Variants in FAM161A observed in about 807,000 individuals in gnomAD.
FAM161A encodes the protein FAM161 centrosomal protein A.
Under a neutral mutation model 70.9 loss-of-function variants are expected in FAM161A, and 57 were observed. The observed-to-expected ratio is 0.80, with a 90% CI of 0.65 to 1.00. FAM161A has a LOEUF of 1.00. Ranked by LOEUF, FAM161A falls within the 50% of genes least tolerant of loss-of-function variation. The pLI is 0.00. For synonymous variants in FAM161A, 299 were observed against 295.7 expected (o/e 1.01, Z -0.12); for missense variants, 880 against 836.0 (o/e 1.05, Z -0.65).
At chr2:61,801,624 T>A in the FAM161A span, among the ~76,000 whole-genome samples, 1 of 150,350 alleles carries the variant, frequency 6.7e-6, no homozygotes, top group African/African-American at 2.4e-5. Flanking sequence ...TGGAGTGCAA[T>A]CGCACGATCT....
chr2:61,836,468 T>A (rs1228309907), intron 4 of FAM161A: 1 of 167,674 alleles, frequency 6.0e-6, no homozygotes, highest in South Asian at 1.7e-4. Flanking sequence ...TTTATAAGTG[T>A]ATAAAACCAA....
At chr2:61,835,392 G>C (rs1193407604) in intron 5 of FAM161A, 1 of 152,178 alleles carries the variant, frequency 6.6e-6, no homozygotes, top group Admixed American at 6.5e-5. Flanking sequence ...TCCACTGTCC[G>C]TAAGACTAGT....
rs765178656 is a variant in FAM161A, at chr2:61,839,406, G to C, written c.1583+15C>G. 8.7e-6 allele frequency: 14 copies of C among 1,613,792 alleles called. No homozygotes were observed. The highest frequency in any genetic ancestry group is 1.7e-5 in the Admixed American group (1 of 59,996). ...GCAACCATGAGTCAGTCAGTACTGC[G>C]TCCTACTTACTTACCTTACGGCTTG... On this transcript the variant is annotated intron_variant, in intron 3 of 6. Transcript: ENST00000404929.
chr2:61,841,905 A>T (rs1047933523), intron 2 of FAM161A, among the ~76,000 whole-genome samples: 19 of 152,216 alleles, frequency 1.2e-4, no homozygotes, highest in African/African-American at 4.6e-4. Flanking sequence ...GGTGGGTCAG[A>T]AAGAAAAGAC....
At chr2:61,801,642 C>T in the FAM161A span, among the ~76,000 whole-genome samples, 11 of 151,226 alleles carry the variant, frequency 7.3e-5, no homozygotes, top group African/African-American at 2.7e-4. Context: ...TCTCGGCTCA[C>T]TGCAACCTCT....
At chr2:61,801,474 G>A in the FAM161A span, among the ~76,000 whole-genome samples, 4 of 149,504 alleles carry the variant, frequency 2.7e-5, no homozygotes, top group Non-Finnish European at 5.9e-5. Flanking sequence ...TCCAGCCTGA[G>A]CGACAGGGAG....
chr2:61,840,293 T>G lies in FAM161A; in HGVS notation c.711A>C (p.Thr237=). The change falls in exon 3 of 7, where the codon ACA becomes ACC. Residue 237 remains threonine, a synonymous_variant. Transcript: ENST00000404929. Reference sequence around the variant, plus strand: ...TCATCATTTGAAAAGGCTCCGGTACTGTAATTGTGGGCACCCATTCTTTTC... The same window carrying G: ...TCATCATTTGAAAAGGCTCCGGTACGGTAATTGTGGGCACCCATTCTTTTC... The part of the protein sequence containing the change: ...KKRKEWVPTI[T]VPEPFQMMIR... The G allele has an allele frequency of 6.2e-7, 1 of 1,614,206 alleles. No individual in the cohort carries two copies. Among genetic ancestry groups the G allele is most frequent in the Non-Finnish European group, 8.5e-7 (1 of 1,180,042 alleles).
intron 1 of FAM161A, among the ~76,000 whole-genome samples, chr2:61,853,249 C>A (rs1673559589): frequency 6.6e-6 from 1 of 152,124 alleles, no homozygotes. Flanking sequence ...AGATGGCAGA[C>A]CCTGCCCTCT....
downstream of FAM161A, among the ~76,000 whole-genome samples, chr2:61,821,146 G>A (rs909417435): frequency 2.6e-5 from 4 of 151,324 alleles, no homozygotes; most frequent in East Asian, 7.8e-4. Context: ...TCGGCCTCCC[G>A]GGTTCAAGCG....
chr2:61,826,357 T>A lies in FAM161A; in HGVS notation c.*98A>T. 1 of 1,348,842 alleles carries A rather than the reference T, an allele frequency of 7.4e-7. No individual in the cohort carries two copies. Among genetic ancestry groups the A allele is most frequent in the Non-Finnish European group, 1.0e-6 (1 of 957,010 alleles). 83.6% of individuals were successfully genotyped at this position (1,348,842 alleles called of 1,614,324 possible). ...ACTTTGATCAACAGCCCTGCACATA[T>A]CAGAAGCGTCCCCACAGATGTTCTA... is the stretch of plus-strand genomic sequence containing the variant. On this transcript the variant is annotated 3_prime_UTR_variant, in exon 7 of 7. Coordinates refer to ENST00000404929, the MANE Select transcript of FAM161A (RefSeq NM_001201543.2).
chr2:61,837,498 G>T (rs571459938), intron 4 of FAM161A, among the ~76,000 whole-genome samples: 8 of 152,316 alleles, frequency 5.3e-5, no homozygotes, highest in African/African-American at 1.7e-4. Flanking sequence ...TCCAGGCACG[G>T]TGGCTCACGC....
At position 61,826,340 on chromosome 2, in the gene FAM161A, C is replaced by T; in HGVS notation, c.*115G>A. 8.6e-7 allele frequency: 1 copy of T among 1,168,390 alleles called. No individual in the cohort carries two copies. The highest frequency in any genetic ancestry group is 1.3e-6 in the Non-Finnish European group (1 of 796,364). The allele number at this position is 1,168,390 out of a possible 1,614,324, so 72.4% of individuals were successfully genotyped here. A position where few individuals can be genotyped will look rare whatever the true frequency, so the allele number is the denominator to read the frequency against. On this transcript the variant is annotated 3_prime_UTR_variant, in exon 7 of 7. Coordinates refer to ENST00000404929, the MANE Select transcript of FAM161A (RefSeq NM_001201543.2). ...TTTTCAGGCTACAGATGACTTTGATCAACAGCCCTGCACATATCAGAAGCG... is the reference window on the plus strand; with the variant it reads ...TTTTCAGGCTACAGATGACTTTGATTAACAGCCCTGCACATATCAGAAGCG...
Position 61,854,010 on chromosome 2 carries a change from ACCAG to A in FAM161A, c.28_31del (p.Leu10TrpfsTer9). 1 of 1,612,248 alleles carries A rather than the reference ACCAG, an allele frequency of 6.2e-7. No individual in the cohort carries two copies. The highest frequency in any genetic ancestry group is 1.1e-5 in the South Asian group (1 of 90,858). On this transcript the variant is annotated frameshift_variant, in exon 1 of 7. Transcript: ENST00000404929. LOFTEE classifies it high-confidence loss of function. ...TACCGGGGTCTGGAGACTGGAGGCC[ACCAG>A]CTTCGCCACTCGGTGGGAGGTGGCC...
chr2:61,848,986 TTA>T lies in FAM161A; in HGVS notation c.183+4871_183+4872del, dbSNP rs1234857002. 1.6e-3 allele frequency among the ~76,000 whole-genome samples: 4 copies of T among 2,434 alleles called. 1 individual carries two copies. Among genetic ancestry groups the T allele is most frequent in the African/African-American group, 7.3e-3 (4 of 548 alleles). 1.6% of individuals were successfully genotyped at this position (2,434 alleles called of 152,430 possible). A position where few individuals can be genotyped will look rare whatever the true frequency, so the allele number is the denominator to read the frequency against. ...TTTATATATATATATATTTATATAT[TTA>T]TATATATTTATATATATATTTATAT... On this transcript the variant is annotated intron_variant, in intron 1 of 6. Coordinates refer to ENST00000404929, the MANE Select transcript of FAM161A (RefSeq NM_001201543.2).
At chr2:61,805,399 C>A in the FAM161A span, among the ~76,000 whole-genome samples, 1 of 152,058 alleles carries the variant, frequency 6.6e-6, no homozygotes, top group African/African-American at 2.4e-5. Flanking sequence ...GCCTGTAATC[C>A]CAGCTACTCG....
chr2:61,839,576 G>T lies in FAM161A; in HGVS notation c.1428C>A (p.Ile476=). The T allele has an allele frequency of 1.2e-6, 2 of 1,614,136 alleles. No homozygotes were observed. Among genetic ancestry groups the T allele is most frequent in the Non-Finnish European group, 8.5e-7 (1 of 1,180,018 alleles). Residue 476 remains isoleucine, a synonymous_variant, in exon 3 of 7, where the codon ATC becomes ATA. Transcript: ENST00000404929. The part of the protein sequence containing the change: ...SIKREKILAD[I]EADEENLKET... ...CTTTTAAATTTTCTTCATCTGCTTCGATGTCTGCCAAAATTTTTTCTCTTT... is the reference window on the plus strand; with the variant it reads ...CTTTTAAATTTTCTTCATCTGCTTCTATGTCTGCCAAAATTTTTTCTCTTT...
chr2:61,850,651 G>C (rs1271676468), intron 1 of FAM161A, among the ~76,000 whole-genome samples: 1 of 152,140 alleles, frequency 6.6e-6, no homozygotes, highest in African/African-American at 2.4e-5. Context: ...TACTTGGGAG[G>C]CTGAGGTGAG....
rs141208688 is a variant in FAM161A, at chr2:61,850,128, A to T, written c.183+3731T>A. Among the ~76,000 whole-genome samples, 643 of 152,240 alleles carry T rather than the reference A, an allele frequency of 4.2e-3. 3 individuals carry two copies. Among genetic ancestry groups the T allele is most frequent in the African/African-American group, 0.015 (626 of 41,548 alleles). On this transcript the variant is annotated intron_variant, in intron 1 of 6. Transcript: ENST00000404929. Reference sequence around the variant, plus strand: ...TTTAAAAATATAGGCCAGGCATGGTAGCTCATGCCTGTAATCCCAGTACTT... The same window carrying T: ...TTTAAAAATATAGGCCAGGCATGGTTGCTCATGCCTGTAATCCCAGTACTT...
At position 61,838,704 on chromosome 2, in the gene FAM161A, T is replaced by G; in HGVS notation, c.1585A>C (p.Arg529=). ...AACATTTTCTTTTCCTCAAGTGATCTCCTGAGGGTAACAAACTAAGGCTTA... is the reference window on the plus strand; with the variant it reads ...AACATTTTCTTTTCCTCAAGTGATCGCCTGAGGGTAACAAACTAAGGCTTA... The part of the protein sequence containing the change: ...SSRGREQAVR[R]SLEEKKMLEE... Residue 529 remains arginine, a splice_region_variant and synonymous_variant, in exon 4 of 7, where the codon AGA becomes CGA. Coordinates refer to ENST00000404929, the MANE Select transcript of FAM161A (RefSeq NM_001201543.2). 1.9e-6 allele frequency: 3 copies of G among 1,598,602 alleles called. No homozygotes were observed. The highest frequency in any genetic ancestry group is 2.6e-6 in the Non-Finnish European group (3 of 1,172,964).
Sources: gnomAD v4.1 joint callset for allele counts (sites outside exome capture counted in the v4.1 genomes callset) on GRCh38, gnomAD v4.1.1 for gene constraint, MANE v1.5 for transcripts, NCBI Gene and HGNC (gene_info 2026-07-23, HGNC 2026-07-21) for gene names.